ZNF875: variants seen among roughly 807,000 people sequenced by gnomAD.
ZNF875 encodes HKR1, GLI-Kruppel zinc finger family member.
A neutral mutation model predicts 11.2 loss-of-function variants in ZNF875; 14 were observed. The ratio of observed to expected loss-of-function variants is 1.26; its 90% CI spans 0.83 to 1.96. ZNF875 has a LOEUF of 1.96. Ranked by LOEUF, ZNF875 falls within the 30% of genes most tolerant of loss-of-function variation. ZNF875 has a pLI of 0.00. For missense variants in ZNF875, 752 were observed against 760.4 expected, an observed-to-expected ratio of 0.99 and a Z score of 0.13; for synonymous variants, 301 against 281.1, an observed-to-expected ratio of 1.07 and a Z score of -0.71.
intron 2 of ZNF875, chr19:37,322,375 A>T: frequency 6.6e-6 from 1 of 152,178 alleles, no homozygotes; most frequent in Non-Finnish European, 1.5e-5. Flanking sequence ...ATGAATTTAG[A>T]AGTGTGTTTA....
At chr19:37,316,522 A>G (rs571387290), upstream of ZNF875, among the ~76,000 whole-genome samples, 4 of 151,304 alleles carry the variant, frequency 2.6e-5, no homozygotes, top group South Asian at 6.2e-4. Context: ...GGCATGTGCC[A>G]CCACGCCCGG....
chr19:37,336,931 A>G (rs1467250312), intron 2 of ZNF875, among the ~76,000 whole-genome samples: 1 of 152,102 alleles, frequency 6.6e-6, no homozygotes, highest in Non-Finnish European at 1.5e-5. Context: ...AAATAAATAT[A>G]CATATGTTAA....
intron 2 of ZNF875, among the ~76,000 whole-genome samples, chr19:37,343,307 C>T (rs746350542): frequency 2.6e-5 from 4 of 151,072 alleles, no homozygotes; most frequent in African/African-American, 7.3e-5. Flanking sequence ...CACGTCATTG[C>T]ACTCCAGCCT....
Position 37,362,551 on chromosome 19 carries a change from A to G in ZNF875, c.699A>G (p.Pro233=), listed in dbSNP as rs781564734. 4 of 1,614,252 alleles carry G rather than the reference A, an allele frequency of 2.5e-6. No homozygotes were observed. Among genetic ancestry groups the G allele is most frequent in the Admixed American group, 1.7e-5 (1 of 60,028 alleles). ...AAATCAAATATGAAGAGTTTGGGCC[A>G]GGCTTTATCAAGGAGTCAAACCTCC... ...FGEIKYEEFG[P]GFIKESNLLS... is the part of the protein sequence containing the mutation. The change falls in exon 5 of 5, where the codon CCA becomes CCG. Residue 233 remains proline, a synonymous_variant. Transcript: ENST00000392153.
chr19:37,357,412 ATTGCT>A (rs2039098193), intron 4 of ZNF875, among the ~76,000 whole-genome samples: 1 of 152,178 alleles, frequency 6.6e-6, no homozygotes, highest in Non-Finnish European at 1.5e-5. Context: ...GAATCTGTAG[ATTGCT>A]TTGGGCAGTA....
chr19:37,326,714 CTG>C (rs2032519673), intron 4 of ZNF875, among the ~76,000 whole-genome samples: 2 of 121,680 alleles, frequency 1.6e-5, no homozygotes, highest in African/African-American at 6.2e-5. Flanking sequence ...GTCGCCCAGA[CTG>C]GAGTGCAGTG....
At chr19:37,360,669 TTTCTC>T (rs1412115144) in intron 4 of ZNF875, among the ~76,000 whole-genome samples, 1 of 152,132 alleles carries the variant, frequency 6.6e-6, no homozygotes, top group Non-Finnish European at 1.5e-5. Context: ...TCCTTTTCTC[TTTCTC>T]TTCTCTTTCT....
intron 4 of ZNF875, among the ~76,000 whole-genome samples, chr19:37,327,760 C>CA (rs55800209): frequency 2.1e-3 from 243 of 113,280 alleles, no homozygotes; most frequent in Non-Finnish European, 2.9e-3. Flanking sequence ...CAAAACTCCT[C>CA]AAAAAAAAAA....
At chr19:37,313,765 T>C (rs2030062839), upstream of ZNF875, among the ~76,000 whole-genome samples, 1 of 151,930 alleles carries the variant, frequency 6.6e-6, no homozygotes, top group South Asian at 2.1e-4. Flanking sequence ...TGTGTGTGTG[T>C]GTGTTGATTA....
chr19:37,331,928 G>A (rs2033462765), upstream of ZNF875, among the ~76,000 whole-genome samples: 1 of 132,314 alleles, frequency 7.6e-6, no homozygotes, highest in South Asian at 2.9e-4. Context: ...GCAATGGAAT[G>A]TCTCGGTATA....
chr19:37,349,406 C>G (rs1269068250), intron 4 of ZNF875, among the ~76,000 whole-genome samples: 1 of 152,128 alleles, frequency 6.6e-6, no homozygotes, highest in Non-Finnish European at 1.5e-5. Context: ...TTTGTGTGGT[C>G]AGACTTTAGG....
At chr19:37,340,570 G>T (rs1265898984) in intron 2 of ZNF875, among the ~76,000 whole-genome samples, 1 of 150,038 alleles carries the variant, frequency 6.7e-6, no homozygotes, top group Non-Finnish European at 1.5e-5. Flanking sequence ...GTATCCTGTT[G>T]TCTGATGTCA....
chr19:37,351,458 T>C (rs1342021075), intron 4 of ZNF875, among the ~76,000 whole-genome samples: 5 of 152,198 alleles, frequency 3.3e-5, no homozygotes, highest in African/African-American at 1.2e-4. Flanking sequence ...TTTTCTGCAT[T>C]CTACTTTCTT....
At chr19:37,319,917 C>G (rs776284921) in intron 1 of ZNF875, among the ~76,000 whole-genome samples, 1 of 152,126 alleles carries the variant, frequency 6.6e-6, no homozygotes, top group East Asian at 1.9e-4. Flanking sequence ...GACGGAGTCT[C>G]GCTCTGTCAC....
chr19:37,347,922 G>A (rs1355087270), intron 4 of ZNF875, 50 bp downstream of exon 4: 2 of 1,051,556 alleles, frequency 1.9e-6, no homozygotes, highest in Non-Finnish European at 3.0e-6. Flanking sequence ...TTGGCAGATA[G>A]GAAGGAGGAG....
At chr19:37,330,475 T>C (rs954993684), upstream of ZNF875, among the ~76,000 whole-genome samples, 1 of 152,198 alleles carries the variant, frequency 6.6e-6, no homozygotes, top group East Asian at 1.9e-4. Context: ...GGAGTGACTT[T>C]ATGCACAGAC....
At position 37,364,431 on chromosome 19, in the gene ZNF875, T is replaced by G. The variant is rs980452377; in HGVS notation, c.*656T>G. 1 of 152,594 alleles carries G rather than the reference T, an allele frequency of 6.6e-6. No homozygotes were observed. The highest frequency in any genetic ancestry group is 1.5e-5 in the Non-Finnish European group (1 of 68,388). The allele number at this position is 152,594 out of a possible 1,614,324, so 9.5% of individuals were successfully genotyped here. ...GCTGTTCTTTTGCTCAATAAAATTC[T>G]TTTCTACCCATCCTCACCCTTCAAT... is the stretch of plus-strand genomic sequence containing the variant. On this transcript the variant is annotated 3_prime_UTR_variant, in exon 5 of 5. Transcript: ENST00000392153.
In ZNF875 at chr19:37,362,184, TG is replaced by T; in HGVS notation, c.333del (p.Trp112GlyfsTer2). 6.2e-7 allele frequency: 1 copy of T among 1,614,090 alleles called. No homozygotes were observed. The highest frequency in any genetic ancestry group is 8.5e-7 in the Non-Finnish European group (1 of 1,179,988). The part of the protein sequence containing the change: ...FSSQQALSQH[V>X]WLSHLSQLFS... The stretch of plus-strand genomic sequence containing the variant: ...AGTCAGCAAGCTCTCAGCCAACATG[TG>T]TGGCTGAGTCATCTCTCTCAGCTGT... On this transcript the variant is annotated frameshift_variant, in exon 5 of 5. Transcript: ENST00000392153. LOFTEE classifies it low-confidence loss of function (END_TRUNC).
chr19:37,331,396 G>A (rs2033372873), upstream of ZNF875, among the ~76,000 whole-genome samples: 1 of 151,746 alleles, frequency 6.6e-6, no homozygotes, highest in African/African-American at 2.4e-5. Flanking sequence ...GCCCATGTGG[G>A]GAAAAGCAAG....
Sources: gnomAD v4.1 joint callset for allele counts (sites outside exome capture counted in the v4.1 genomes callset) on GRCh38, gnomAD v4.1.1 for gene constraint, MANE v1.5 for transcripts, NCBI Gene and HGNC (gene_info 2026-07-23, HGNC 2026-07-21) for gene names.